Variants in MYO16 observed in about 807,000 individuals in gnomAD.
MYO16 encodes myosin XVI, also known as unconventional myosin-XVI.
A neutral mutation model predicts 205.3 loss-of-function variants in MYO16; 94 were observed. The ratio of observed to expected loss-of-function variants is 0.46; its 90% CI spans 0.39 to 0.54. The LOEUF (loss-of-function observed/expected upper bound fraction) is 0.54, where lower values mean the gene tolerates loss of function less well. MYO16 is among the 20% of genes least tolerant of loss of function. The pLI is 0.00. For missense variants in MYO16, 2,315 were observed against 2,387.5 expected (o/e 0.97, Z 0.63); for synonymous variants, 988 against 954.0 (o/e 1.04, Z -0.66).
At chr13:108,681,376 A>C (rs1882455701) in intron 2 of MYO16, among the ~76,000 whole-genome samples, 1 of 152,150 alleles carries the variant, frequency 6.6e-6, no homozygotes, top group South Asian at 2.1e-4. Flanking sequence ...TGTAACTTTT[A>C]CATCATCCTT....
rs377541193 is a variant in MYO16 at position 109,140,399 on chromosome 13, C to T, written c.4187C>T (p.Ala1396Val). 50 of 1,590,774 alleles carry T rather than the reference C, an allele frequency of 3.1e-5. No homozygotes were observed. Among genetic ancestry groups the T allele is most frequent in the Non-Finnish European group, 3.9e-5 (46 of 1,174,138 alleles). ...ATATCGGGGTCCCGGCCCGGGGACG[C>T]GAGGCCCGCGGGCGCCCCGGGGGCA... ...EEISGSRPGD[A>V]RPAGAPGAAA... is the part of the protein sequence containing the mutation. The change falls in exon 32 of 35, where the codon GCG becomes GTG. Residue 1396 changes from alanine (A) to valine (V), a missense_variant. By Grantham distance (64) the Ala-to-Val change is moderately conservative. This residue lies in a region of MYO16 where 1,097 missense variants were observed against 1,092.0 expected (regional missense o/e 1.00). Transcript: ENST00000457511. The surrounding 1 kb of genome is among the most constrained non-coding windows in gnomAD (Gnocchi z 8.0).
intron 19 of MYO16, 59 bp from the exon 20 acceptor site, chr13:108,964,702 T>A: frequency 3.8e-6 from 6 of 1,572,282 alleles, no homozygotes; most frequent in South Asian, 1.1e-5. Flanking sequence ...GGAGTTTTGG[T>A]TGGCTTCTAA....
intron 1 of MYO16, among the ~76,000 whole-genome samples, chr13:108,635,433 T>C (rs1880178582): frequency 1.3e-5 from 2 of 152,332 alleles, no homozygotes; most frequent in South Asian, 4.1e-4. Flanking sequence ...CTTATCAATT[T>C]CATGTAAACC....
intron 4 of MYO16, among the ~76,000 whole-genome samples, chr13:108,776,951 C>T (rs1886143384): frequency 6.6e-6 from 1 of 152,122 alleles, no homozygotes; most frequent in African/African-American, 2.4e-5. Context: ...GCCTTGAGAG[C>T]ATCACAGACA....
chr13:108,817,900 A>T (rs1029941378), intron 7 of MYO16, among the ~76,000 whole-genome samples: 1 of 152,218 alleles, frequency 6.6e-6, no homozygotes, highest in African/African-American at 2.4e-5. Flanking sequence ...TGACCATTTT[A>T]AAATATCTGG....
chr13:108,975,120 G>T (rs55989771), intron 20 of MYO16, among the ~76,000 whole-genome samples: 4,392 of 151,566 alleles, frequency 0.029, 95 homozygotes, highest in African/African-American at 0.055. Context: ...TAAAATCCTT[G>T]GTATGCTTGC....
At position 109,029,426 on chromosome 13, in the gene MYO16, C is replaced by A. The variant is rs183331615; in HGVS notation, c.2796+9515C>A. ...CTGTCTGTTGAGCTTCTCAGTTCCA[C>A]CTGTGTCAGGAACACCTTTCATAAC... On this transcript the variant is annotated intron_variant, in intron 23 of 34. Coordinates refer to ENST00000457511, the MANE Select transcript of MYO16 (RefSeq NM_001198950.3). Among the ~76,000 whole-genome samples, 160 of 152,188 alleles carry A rather than the reference C, an allele frequency of 1.1e-3. 2 individuals are homozygous for A. Among genetic ancestry groups the A allele is most frequent in the African/African-American group, 3.6e-3 (148 of 41,518 alleles).
chr13:108,757,856 G>A (rs1424482316), intron 4 of MYO16, among the ~76,000 whole-genome samples: 1 of 152,068 alleles, frequency 6.6e-6, no homozygotes, highest in East Asian at 1.9e-4. Flanking sequence ...TCATATGAGG[G>A]CAATGCTACA....
At chr13:108,670,158 T>G (rs1040731925) in intron 2 of MYO16, among the ~76,000 whole-genome samples, 6 of 152,084 alleles carry the variant, frequency 3.9e-5, no homozygotes, top group Admixed American at 2.0e-4. Context: ...GAGAAGGCAA[T>G]TGATGGAGCA....
chr13:109,163,720 C>T (rs529099360), intron 32 of MYO16, among the ~76,000 whole-genome samples: 1 of 152,178 alleles, frequency 6.6e-6, no homozygotes, highest in East Asian at 1.9e-4. Context: ...GAATAATAAT[C>T]AGAACATACA....
chr13:108,938,953 C>T (rs1019242473), intron 16 of MYO16, among the ~76,000 whole-genome samples: 2 of 152,220 alleles, frequency 1.3e-5, no homozygotes, highest in Non-Finnish European at 2.9e-5. Flanking sequence ...AGACTCACCG[C>T]TCAGGAGAAA....
At chr13:108,617,861 G>A (rs1566507770) in intron 1 of MYO16, among the ~76,000 whole-genome samples, 1 of 151,878 alleles carries the variant, frequency 6.6e-6, no homozygotes, top group Non-Finnish European at 1.5e-5. Context: ...CCAGATAATC[G>A]ATTGTCTTTC....
chr13:109,155,232 G>C (rs568566088), intron 32 of MYO16, among the ~76,000 whole-genome samples: 4 of 152,110 alleles, frequency 2.6e-5, no homozygotes, highest in Non-Finnish European at 5.9e-5. Context: ...CGACTTGGCG[G>C]GGGGGTGGGT....
At chr13:108,737,943 T>C (rs1410314989) in intron 4 of MYO16, among the ~76,000 whole-genome samples, 2 of 152,220 alleles carry the variant, frequency 1.3e-5, no homozygotes, top group Non-Finnish European at 2.9e-5. Flanking sequence ...TATAATATTC[T>C]CTGATGGTAG....
At chr13:109,000,923 A>T (rs1885190492) in intron 21 of MYO16, among the ~76,000 whole-genome samples, 3 of 152,128 alleles carry the variant, frequency 2.0e-5, no homozygotes. Flanking sequence ...AATTATTTAC[A>T]TTAAAGGAGA....
intron 20 of MYO16, among the ~76,000 whole-genome samples, chr13:108,987,081 A>G (rs1884666083): frequency 6.6e-6 from 1 of 152,174 alleles, no homozygotes; most frequent in South Asian, 2.1e-4. Context: ...TCTAAGTCTA[A>G]TTAACTGCAA....
intron 31 of MYO16, among the ~76,000 whole-genome samples, chr13:109,135,128 C>T (rs1287556831): frequency 6.6e-6 from 1 of 152,178 alleles, no homozygotes; most frequent in Non-Finnish European, 1.5e-5. Flanking sequence ...GCCTGATCCC[C>T]CCACACAAGC....
chr13:108,876,307 AT>A lies in MYO16; in HGVS notation c.1426-6743del, dbSNP rs545697205. 2.9e-3 allele frequency among the ~76,000 whole-genome samples: 434 copies of A among 151,452 alleles called. 4 individuals carry two copies. The highest frequency in any genetic ancestry group is 9.6e-3 in the African/African-American group (395 of 41,352). On this transcript the variant is annotated intron_variant, in intron 12 of 34. Coordinates refer to ENST00000457511, the MANE Select transcript of MYO16 (RefSeq NM_001198950.3). ...AAACATTTAAAATTAAAAGTGCTGT[AT>A]TTTTTTTTCACATGTACTTTTGTGA...
At chr13:109,015,365 A>G (rs999389495) in intron 22 of MYO16, among the ~76,000 whole-genome samples, 1 of 152,146 alleles carries the variant, frequency 6.6e-6, no homozygotes, top group African/African-American at 2.4e-5. Flanking sequence ...TAGGTTTGCC[A>G]GTATTTTATT....
Sources: gnomAD v4.1 joint callset for allele counts (sites outside exome capture counted in the v4.1 genomes callset) on GRCh38, gnomAD v4.1.1 for gene constraint, gnomAD v4.1.1 regional missense constraint, Gnocchi (gnomAD v3.1) non-coding constraint, MANE v1.5 for transcripts, NCBI Gene and HGNC (gene_info 2026-07-23, HGNC 2026-07-21) for gene names.